NKIRAS1: variants seen among roughly 807,000 people sequenced by gnomAD.
The protein encoded by NKIRAS1 is NF-kappa-B inhibitor-interacting Ras-like protein 1.
NKIRAS1 carries 16 observed loss-of-function variants against 19.8 expected under a neutral mutation model. The ratio of observed to expected loss-of-function variants is 0.81; its 90% CI spans 0.55 to 1.23. The LOEUF (loss-of-function observed/expected upper bound fraction) is 1.23. NKIRAS1 is among the 50% of genes most tolerant of loss of function. NKIRAS1 has a pLI of 0.00. For synonymous variants in NKIRAS1, 88 were observed against 79.0 expected (o/e 1.11, Z -0.61); for missense variants, 184 against 220.0 (o/e 0.84, Z 1.04).
In NKIRAS1 at chr3:23,942,870, C is replaced by T. The variant is rs547731661; in HGVS notation, c.-140+3453G>A. ...TCAAGAGATGCTCCTGCATCAGCCT[C>T]TTGAGTAGCTGGGACTACAGTTGCA... On this transcript the variant is annotated intron_variant, in intron 1 of 4. Coordinates refer to the NKIRAS1 transcript ENST00000421515. Among the ~76,000 whole-genome samples, 6 of 152,170 alleles carry T rather than the reference C, an allele frequency of 3.9e-5. No homozygotes were observed. The South Asian group carries it at 1.2e-3, about 32-fold the overall frequency.
At chr3:23,928,704 A>AG (rs1253550741) in intron 1 of NKIRAS1, among the ~76,000 whole-genome samples, 2 of 151,388 alleles carry the variant, frequency 1.3e-5, no homozygotes, top group Non-Finnish European at 3.0e-5. Context: ...AAAAAAAAAA[A>AG]AAAAAGGCCG....
chr3:23,920,816 G>A (rs1360593339), upstream of NKIRAS1: 1 of 940,462 alleles, frequency 1.1e-6, no homozygotes, highest in Non-Finnish European at 1.3e-6. Context: ...TTGTTCAACT[G>A]AAGGAATAAA....
In NKIRAS1 at chr3:23,892,745, A is replaced by G. The variant is rs573123508; in HGVS notation, c.*350T>C. 1.8e-5 allele frequency: 3 copies of G among 163,206 alleles called. No individual in the cohort carries two copies. Among genetic ancestry groups the G allele is most frequent in the East Asian group, 3.5e-4 (2 of 5,764 alleles). The allele number at this position is 163,206 out of a possible 1,614,324, so 10.1% of individuals were successfully genotyped here. Reference sequence around the variant, plus strand: ...CATAATGTTACACAGAATGATTATGATATCTTCCGAAACAGCTTGGGGTTG... The same window carrying G: ...CATAATGTTACACAGAATGATTATGGTATCTTCCGAAACAGCTTGGGGTTG... On this transcript the variant is annotated 3_prime_UTR_variant, in exon 5 of 5. Coordinates refer to ENST00000425478, the MANE Select transcript of NKIRAS1 (RefSeq NM_020345.4).
chr3:23,931,711 GGAGAGA>G (rs72076467), intron 1 of NKIRAS1, among the ~76,000 whole-genome samples: 4 of 48,356 alleles, frequency 8.3e-5, no homozygotes, highest in Non-Finnish European at 1.4e-4. Context: ...TGGAAAGGAA[GGAGAGA>G]GAGAGAGAGA....
intron 3 of NKIRAS1, among the ~76,000 whole-genome samples, chr3:23,910,423 G>C (rs1247971257): frequency 1.3e-5 from 2 of 152,098 alleles, no homozygotes; most frequent in African/African-American, 4.8e-5. Context: ...CCAAAGTGCT[G>C]GAATTACAGG....
intron 3 of NKIRAS1, among the ~76,000 whole-genome samples, chr3:23,902,277 A>G (rs1702596620): frequency 6.6e-6 from 1 of 152,164 alleles, no homozygotes; most frequent in South Asian, 2.1e-4. Context: ...GTATTAGATT[A>G]CATAAAATCT....
chr3:23,945,388 C>G, intron 1 of NKIRAS1: 1 of 180,766 alleles, frequency 5.5e-6, no homozygotes, highest in African/African-American at 2.4e-5. Context: ...CCGGCCGCCG[C>G]CACCCTCTCT....
At chr3:23,925,575 G>A (rs370809090) in intron 1 of NKIRAS1, among the ~76,000 whole-genome samples, 16 of 152,140 alleles carry the variant, frequency 1.1e-4, no homozygotes, top group African/African-American at 3.6e-4. Flanking sequence ...TTGAAGCTGC[G>A]GTGAGCCAAG....
rs567623191 is a variant in NKIRAS1 at position 23,936,044 on chromosome 3, C to A, written c.-140+10279G>T. Among the ~76,000 whole-genome samples the A allele has an allele frequency of 1.6e-4, 21 of 135,262 alleles. 1 individual carries two copies. The South Asian group carries it at 4.6e-3, about 29-fold the overall frequency. 88.7% of individuals were successfully genotyped at this position (135,262 alleles called of 152,430 possible). On this transcript the variant is annotated intron_variant, in intron 1 of 4. Coordinates refer to the NKIRAS1 transcript ENST00000421515. ...GCTGCAGTGAGCTATAATCACGCCA[C>A]TGCACTCTAGCCTGGGCGACAGAAA...
In NKIRAS1 at chr3:23,941,783, T is replaced by C. The variant is rs556805580; in HGVS notation, c.-140+4540A>G. Among the ~76,000 whole-genome samples the C allele has an allele frequency of 2.0e-5, 3 of 152,248 alleles. No individual in the cohort carries two copies. In the South Asian group the frequency reaches 6.2e-4, roughly 32 times the overall value. On this transcript the variant is annotated intron_variant, in intron 1 of 4. Coordinates refer to the NKIRAS1 transcript ENST00000421515. ...GCCTCTACTAGTTACTTGCAAAGTC[T>C]CATAGGAAGAAGGCAGCCTCTAAAA...
chr3:23,940,414 G>C (rs1188232038), intron 1 of NKIRAS1, among the ~76,000 whole-genome samples: 2 of 151,498 alleles, frequency 1.3e-5, no homozygotes, highest in Non-Finnish European at 2.9e-5. Flanking sequence ...TGACAGTTTT[G>C]GTTGGGCTGT....
In NKIRAS1 at chr3:23,909,859, T is replaced by G. The variant is rs564614039; in HGVS notation, c.94+952A>C. On this transcript the variant is annotated intron_variant, in intron 3 of 4. Transcript: ENST00000425478. The stretch of plus-strand genomic sequence containing the variant: ...AGCTCTGCAAAGTTGTTTTTGTTTT[T>G]TTTTGTTTTTTTTTTTTTGAGATGG... Among the ~76,000 whole-genome samples, 132 of 117,746 alleles carry G rather than the reference T, an allele frequency of 1.1e-3. 2 individuals are homozygous for G. The highest frequency in any genetic ancestry group is 2.6e-3 in the African/African-American group (93 of 36,054). The allele number at this position is 117,746 out of a possible 152,430, so 77.2% of individuals were successfully genotyped here. A position where few individuals can be genotyped will look rare whatever the true frequency, so the allele number is the denominator to read the frequency against.
intron 1 of NKIRAS1, among the ~76,000 whole-genome samples, chr3:23,932,688 CAAAAA>C (rs5847261): frequency 1.4e-5 from 1 of 72,926 alleles, no homozygotes; most frequent in Admixed American, 1.3e-4. Context: ...AATTCCGTCT[CAAAAA>C]AAAAAAAAAA....
intron 1 of NKIRAS1, chr3:23,945,493 C>T: frequency 8.2e-6 from 7 of 855,744 alleles, no homozygotes; most frequent in Non-Finnish European, 1.0e-5. Context: ...GCTTCCAGCC[C>T]GGGGCGGCGC....
At chr3:23,898,837 G>A (rs749897760) in intron 4 of NKIRAS1, among the ~76,000 whole-genome samples, 3 of 152,182 alleles carry the variant, frequency 2.0e-5, no homozygotes, top group Non-Finnish European at 4.4e-5. Context: ...CACAACAGGA[G>A]GTGAGCAGGG....
intron 3 of NKIRAS1, among the ~76,000 whole-genome samples, chr3:23,909,869 T>TTTTTTTTTTG (rs1703496140): frequency 6.7e-6 from 1 of 149,472 alleles, no homozygotes; most frequent in African/African-American, 2.5e-5. Context: ...TTTTTGTTTT[T>TTTTTTTTTTG]TTTTTTTTGA....
intron 1 of NKIRAS1, among the ~76,000 whole-genome samples, chr3:23,932,750 T>C (rs11129129): frequency 0.64 from 97,179 of 151,538 alleles, 31,381 homozygotes; most frequent in Middle Eastern, 0.73. Context: ...CAGAGAAGAT[T>C]GCTGGTGCCT....
intron 1 of NKIRAS1, among the ~76,000 whole-genome samples, chr3:23,913,212 G>A (rs895188855): frequency 6.6e-6 from 1 of 152,130 alleles, no homozygotes; most frequent in African/African-American, 2.4e-5. Flanking sequence ...AAATTGGGGA[G>A]TTCCTTTTGA....
chr3:23,905,427 G>A (rs376339888), intron 3 of NKIRAS1, among the ~76,000 whole-genome samples: 30 of 152,150 alleles, frequency 2.0e-4, no homozygotes, highest in Admixed American at 3.3e-4. Flanking sequence ...TCAAAATTCC[G>A]AAAGTATATT....
Sources: allele counts gnomAD v4.1 joint callset (sites outside exome capture counted in the v4.1 genomes callset), GRCh38; gene constraint gnomAD v4.1.1; transcripts MANE v1.5; gene names NCBI Gene and HGNC (gene_info 2026-07-23, HGNC 2026-07-21).